The following USP26 variants were observed in gnomAD, a reference collection of about 807,000 sequenced individuals.
USP26 encodes ubiquitin specific peptidase 26.
For synonymous variants in USP26, 236 were observed against 240.6 expected (o/e 0.98, Z 0.18); for missense variants, 649 against 642.3 (o/e 1.01, Z -0.11).
intron 4 of USP26, among the ~76,000 whole-genome samples, chrX:133,084,576 C>T (rs2067582366): frequency 1.0e-5 from 1 of 97,440 alleles, no homozygotes; most frequent in African/African-American, 3.9e-5. Flanking sequence ...TGCAGTGGTG[C>T]GATCTCGGCT....
chrX:133,048,018 C>A (rs772305738), intron 5 of USP26, among the ~76,000 whole-genome samples: 2 of 111,917 alleles, frequency 1.8e-5, no homozygotes. Context: ...TGTTTTTCCA[C>A]GCTCACCAAT....
intron 5 of USP26, chrX:133,045,789 C>T (rs760367008): frequency 3.9e-4 from 45 of 114,206 alleles, no homozygotes; most frequent in Non-Finnish European, 6.9e-4. Flanking sequence ...ACACTCACCG[C>T]GAGCGTCCAC....
chrX:133,031,894 C>G (rs936669811), intron 5 of USP26, among the ~76,000 whole-genome samples: 2 of 111,575 alleles, frequency 1.8e-5, no homozygotes, highest in Non-Finnish European at 3.8e-5. Flanking sequence ...TGCCTGTAAT[C>G]CCAGAATTTG....
In USP26 at chrX:133,026,204, C is replaced by T; in HGVS notation, c.2017G>A (p.Gly673Arg). The change falls in exon 6 of 6, where the codon GGA becomes AGA. Residue 673 changes from glycine to arginine, a missense_variant. Transcript: ENST00000511190. Reference sequence around the variant, plus strand: ...CCTGGGCTGCTGGCAGGTTTACCTCCAGCTTTGTGGAACTGACAAAGTGAG... The same window carrying T: ...CCTGGGCTGCTGGCAGGTTTACCTCTAGCTTTGTGGAACTGACAAAGTGAG... ...DTSLCQFHKAGGKPASSPGTP... is the reference protein window; with the variant it reads ...DTSLCQFHKARGKPASSPGTP... 1 of 1,210,640 alleles carries T rather than the reference C, an allele frequency of 8.3e-7. No homozygotes were observed. The highest frequency in any genetic ancestry group is 3.0e-5 in the East Asian group (1 of 33,771).
At chrX:133,069,026 C>T (rs370228037) in intron 5 of USP26, among the ~76,000 whole-genome samples, 2 of 111,306 alleles carry the variant, frequency 1.8e-5, no homozygotes, top group South Asian at 3.8e-4. Flanking sequence ...ATTTGTTATT[C>T]GAGATGTTTT....
intron 5 of USP26, among the ~76,000 whole-genome samples, chrX:133,076,789 C>T (rs1322982690): frequency 8.9e-6 from 1 of 111,782 alleles, no homozygotes; most frequent in African/African-American, 3.3e-5. Context: ...GCAGATCTTC[C>T]TCAAGGTGCT....
At chrX:133,071,452 CACACAGGA>C (rs982597857) in intron 5 of USP26, among the ~76,000 whole-genome samples, 3 of 110,001 alleles carry the variant, frequency 2.7e-5, no homozygotes, top group Non-Finnish European at 5.7e-5. Flanking sequence ...ATAGCTTCCT[CACACAGGA>C]TATATCTCCT....
Position 133,026,244 on chromosome X carries a change from C to T in USP26, c.1977G>A (p.Thr659=), listed in dbSNP as rs1363212741. ...IEKEPLAHLM[T]YLEDTSLCQF... The stretch of plus-strand genomic sequence containing the variant: ...GACAAAGTGAGGTATCTTCCAGATA[C>T]GTCATTAAGTGAGCTAACGGTTCTT... Residue 659 remains threonine (T), a synonymous_variant, in exon 6 of 6, where the codon ACG becomes ACA. Transcript: ENST00000511190. 5.8e-6 allele frequency: 7 copies of T among 1,209,679 alleles called. No homozygotes were observed. The highest frequency in any genetic ancestry group is 2.2e-5 in the Admixed American group (1 of 45,698).
intron 5 of USP26, among the ~76,000 whole-genome samples, chrX:133,034,753 A>C (rs750088546): frequency 9.0e-6 from 1 of 111,549 alleles, no homozygotes; most frequent in Non-Finnish European, 1.9e-5. Context: ...CTGTAATCCC[A>C]GCACTTTGGG....
intron 5 of USP26, among the ~76,000 whole-genome samples, chrX:133,053,756 A>G (rs1207239658): frequency 1.8e-5 from 2 of 111,715 alleles, no homozygotes; most frequent in African/African-American, 6.5e-5. Context: ...GTAGGGATTT[A>G]AGAATTCTTG....
rs781072244 is a variant in USP26, at chrX:133,025,506, C to A, written c.2715G>T (p.Glu905Asp). ...REENAQLNSK[E>D]VEETLQKE ...ATTCCTTCTGAAGGGTCTCCTCTACCTCCTTGCTATTAAGCTGGGCATTCT... is the reference window on the plus strand; with the variant it reads ...ATTCCTTCTGAAGGGTCTCCTCTACATCCTTGCTATTAAGCTGGGCATTCT... The change falls in exon 6 of 6, where the codon GAG (glutamate) becomes GAT (aspartate). Residue 905 changes from glutamate to aspartate, a missense_variant. Transcript: ENST00000511190. 1.5e-5 allele frequency: 18 copies of A among 1,209,234 alleles called. No homozygotes were observed. In the Admixed American group the frequency reaches 3.9e-4, roughly 27 times the overall value.
chrX:133,082,885 A>G (rs745642580), intron 5 of USP26, among the ~76,000 whole-genome samples: 45 of 112,114 alleles, frequency 4.0e-4, no homozygotes, highest in Non-Finnish European at 7.9e-4. Context: ...CTATGAGAGA[A>G]CCCCTCATTT....
At chrX:133,083,145 T>A (rs937492329) in intron 5 of USP26, among the ~76,000 whole-genome samples, 1 of 111,890 alleles carries the variant, frequency 8.9e-6, no homozygotes, top group African/African-American at 3.3e-5. Context: ...AGGAGCAGAC[T>A]CAGATGGGAA....
intron 5 of USP26, among the ~76,000 whole-genome samples, chrX:133,061,102 T>C (rs1172959328): frequency 1.8e-5 from 2 of 111,791 alleles, no homozygotes; most frequent in Admixed American, 1.9e-4. Flanking sequence ...AGAACAATTG[T>C]ATTTATGGTG....
At chrX:133,052,124 T>C (rs1304167738) in intron 5 of USP26, among the ~76,000 whole-genome samples, 2 of 112,117 alleles carry the variant, frequency 1.8e-5, no homozygotes, top group Non-Finnish European at 3.8e-5. Flanking sequence ...TAGAAAAGCA[T>C]GAAGAATGGT....
intron 5 of USP26, among the ~76,000 whole-genome samples, chrX:133,043,552 C>T (rs1441324082): frequency 8.9e-6 from 1 of 112,445 alleles, no homozygotes; most frequent in Non-Finnish European, 1.9e-5. Flanking sequence ...CTTGCAAGTC[C>T]TGACACTTGA....
At chrX:133,071,556 G>A (rs2067530656) in intron 5 of USP26, among the ~76,000 whole-genome samples, 2 of 109,595 alleles carry the variant, frequency 1.8e-5, no homozygotes, top group South Asian at 7.8e-4. Flanking sequence ...AACTTTAAAA[G>A]CAACCCAACA....
chrX:133,079,395 G>A (rs1345235058), intron 5 of USP26, among the ~76,000 whole-genome samples: 1 of 111,955 alleles, frequency 8.9e-6, no homozygotes, highest in Non-Finnish European at 1.9e-5. Context: ...GGAAACGAAA[G>A]TTCAGAGGAG....
chrX:133,084,746 T>A (rs1385164846), intron 4 of USP26, among the ~76,000 whole-genome samples: 1 of 110,978 alleles, frequency 9.0e-6, no homozygotes, highest in Non-Finnish European at 1.9e-5. Flanking sequence ...TATTTTTAAT[T>A]TTTTTATTTC....
Sources: gnomAD v4.1 joint callset for allele counts (sites outside exome capture counted in the v4.1 genomes callset) on GRCh38, gnomAD v4.1.1 for gene constraint, MANE v1.5 for transcripts, NCBI Gene and HGNC (gene_info 2026-07-23, HGNC 2026-07-21) for gene names.